The following SNRK variants were observed in gnomAD, a reference collection of about 807,000 sequenced individuals.
The protein encoded by SNRK is SNF-related serine/threonine-protein kinase.
Under a neutral mutation model 48.2 loss-of-function variants are expected in SNRK, and 3 were observed. That is an observed-to-expected ratio of 0.06 (90% CI 0.03 to 0.16). SNRK has a LOEUF of 0.16. Among genes scored for constraint, SNRK ranks in the 10% least tolerant of loss-of-function variants. The pLI is 1.00. For missense variants in SNRK, 627 were observed against 976.0 expected (o/e 0.64, Z 4.76); for synonymous variants, 376 against 366.1 (o/e 1.03, Z -0.31).
rs371078181 is a variant in SNRK at position 43,296,415 on chromosome 3, C to CATATATATATATATATATATATATAT, written c.-168-3321_-168-3320insATATATATATATATATATATATATAT. 1.7e-3 allele frequency among the ~76,000 whole-genome samples: 222 copies of CATATATATATATATATATATATATAT among 127,132 alleles called. 2 individuals are homozygous for CATATATATATATATATATATATATAT. The highest frequency in any genetic ancestry group is 6.4e-3 in the South Asian group (25 of 3,918). The allele number at this position is 127,132 out of a possible 152,430, so 83.4% of individuals were successfully genotyped here. On this transcript the variant is annotated intron_variant, in intron 1 of 6. Transcript: ENST00000296088. ...TGTTTGTATTAGATGGATATACTGG[C>CATATATATATATATATATATATATAT]ATATATATATATATATATGTATATA...
intron 1 of SNRK, among the ~76,000 whole-genome samples, chr3:43,296,899 A>G (rs2090860318): frequency 6.6e-6 from 1 of 152,180 alleles, no homozygotes; most frequent in African/African-American, 2.4e-5. Flanking sequence ...CACATGCTTC[A>G]GTTGCTTCTG....
intron 4 of SNRK, among the ~76,000 whole-genome samples, chr3:43,334,637 A>G (rs1417998603): frequency 1.3e-5 from 2 of 150,622 alleles, no homozygotes; most frequent in Non-Finnish European, 3.0e-5. Flanking sequence ...TGGTGTTCCC[A>G]GGCTGGAGTG....
chr3:43,310,628 C>T (rs2090972507), intron 3 of SNRK, among the ~76,000 whole-genome samples: 2 of 152,092 alleles, frequency 1.3e-5, no homozygotes, highest in South Asian at 4.1e-4. Flanking sequence ...AAAATGTCTT[C>T]ACATTTTAAT....
Position 43,303,804 on chromosome 3 carries a change from C to A in SNRK, c.589+12C>A, listed in dbSNP as rs547972540. ...TGCACCTGCAGTAGGTAGGTAACCT[C>A]GGTCCAGTATTTGGCCATTTGAATT... On this transcript the variant is annotated intron_variant, in intron 3 of 6. Coordinates refer to ENST00000296088, the MANE Select transcript of SNRK (RefSeq NM_017719.5). This position sits in a 1 kb window ranked among gnomAD's most constrained non-coding sequence, Gnocchi z 6.2. 1.9e-6 allele frequency: 3 copies of A among 1,576,074 alleles called. No individual in the cohort carries two copies. Among genetic ancestry groups the A allele is most frequent in the South Asian group, 2.2e-5 (2 of 89,248 alleles).
intron 5 of SNRK, 176 bp from the exon 6 acceptor site, chr3:43,343,168 C>A: frequency 4.2e-6 from 3 of 718,638 alleles, no homozygotes; most frequent in South Asian, 3.0e-5. Flanking sequence ...GTTTTTAGAA[C>A]TTTGAGTGAC....
rs899394718 is a variant in SNRK at position 43,350,998 on chromosome 3, A to C, written c.*2441A>C. On this transcript the variant is annotated 3_prime_UTR_variant, in exon 7 of 7. Transcript: ENST00000296088. ...TACCAAGTGAAAATTGATGTGTGTT[A>C]AGAGGGTACAGAATTATCAACTGAT... 7 of 152,650 alleles carry C rather than the reference A, an allele frequency of 4.6e-5. No individual in the cohort carries two copies. The highest frequency in any genetic ancestry group is 1.4e-4 in the African/African-American group (6 of 41,450). 9.5% of individuals were successfully genotyped at this position (152,650 alleles called of 1,614,324 possible).
At chr3:43,325,326 C>T (rs992958035) in intron 3 of SNRK, among the ~76,000 whole-genome samples, 12 of 152,236 alleles carry the variant, frequency 7.9e-5, no homozygotes, top group East Asian at 3.9e-4. Context: ...CCACCGCGCC[C>T]GGCTAATTTT....
chr3:43,322,621 A>C (rs971895673), intron 3 of SNRK, among the ~76,000 whole-genome samples: 1 of 152,218 alleles, frequency 6.6e-6, no homozygotes, highest in African/African-American at 2.4e-5. Flanking sequence ...AAATAATTAG[A>C]GTATTCAGGA....
At position 43,293,555 on chromosome 3, in the gene SNRK, T is replaced by G. The variant is rs191477451; in HGVS notation, c.-168-6199T>G. 5.6e-3 allele frequency among the ~76,000 whole-genome samples: 857 copies of G among 152,248 alleles called. 9 individuals are homozygous for G. The highest frequency in any genetic ancestry group is 0.019 in the African/African-American group (796 of 41,544). On this transcript the variant is annotated intron_variant, in intron 1 of 6. Coordinates refer to ENST00000296088, the MANE Select transcript of SNRK (RefSeq NM_017719.5). ...TAAAGAGAAAAAATATCCTGTAATC[T>G]TACTAATTTAACATTTTAAGTTTTT...
intron 3 of SNRK, among the ~76,000 whole-genome samples, chr3:43,324,461 A>G (rs189081996): frequency 6.6e-4 from 100 of 151,154 alleles, no homozygotes; most frequent in African/African-American, 2.4e-3. Flanking sequence ...GTAAGCTGCG[A>G]TCGTGTCACT....
At chr3:43,310,334 A>G (rs559045712) in intron 3 of SNRK, among the ~76,000 whole-genome samples, 3 of 151,804 alleles carry the variant, frequency 2.0e-5, no homozygotes, top group African/African-American at 7.2e-5. Flanking sequence ...ACGACATGTA[A>G]TCTGTTTCTC....
At chr3:43,320,899 C>G (rs1167152035) in intron 3 of SNRK, among the ~76,000 whole-genome samples, 1 of 149,392 alleles carries the variant, frequency 6.7e-6, no homozygotes. Flanking sequence ...TCCTGTTACT[C>G]CCAAAACTTT....
intron 3 of SNRK, among the ~76,000 whole-genome samples, chr3:43,320,901 C>G (rs902365382): frequency 6.7e-6 from 1 of 148,970 alleles, no homozygotes; most frequent in African/African-American, 2.5e-5. Context: ...CTGTTACTCC[C>G]AAAACTTTAC....
chr3:43,333,065 T>G (rs1254729100), intron 4 of SNRK: 5 of 152,142 alleles, frequency 3.3e-5, no homozygotes, highest in Non-Finnish European at 1.5e-5. Context: ...GAAATCTGAT[T>G]GCCCAAGGAC....
At position 43,347,680 on chromosome 3, in the gene SNRK, C is replaced by T; in HGVS notation, c.1421C>T (p.Thr474Ile). ...QVVLRRKPSV[T>I]NRLTSRKSAP... is the part of the protein sequence containing the mutation. ...GTTTTGCGCCGGAAGCCATCTGTAA[C>T]CAACCGCCTGACATCCAGGAAGAGT... Residue 474 changes from threonine (T) to isoleucine (I), a missense_variant, in exon 7 of 7, where the codon ACC becomes ATC. Coordinates refer to ENST00000296088, the MANE Select transcript of SNRK (RefSeq NM_017719.5). This position sits in a 1 kb window ranked among gnomAD's most constrained non-coding sequence, Gnocchi z 5.4. 1.2e-6 allele frequency: 2 copies of T among 1,613,816 alleles called. No individual in the cohort carries two copies. Among genetic ancestry groups the T allele is most frequent in the Non-Finnish European group, 1.7e-6 (2 of 1,180,022 alleles).
intron 2 of SNRK, among the ~76,000 whole-genome samples, chr3:43,300,768 A>G (rs1390826328): frequency 6.6e-6 from 1 of 152,234 alleles, no homozygotes; most frequent in Non-Finnish European, 1.5e-5. Flanking sequence ...TAATATACAT[A>G]TGGAAGAAAT....
At chr3:43,305,577 G>T (rs1345295641) in intron 3 of SNRK, among the ~76,000 whole-genome samples, 4 of 151,244 alleles carry the variant, frequency 2.6e-5, no homozygotes, top group Non-Finnish European at 4.4e-5. Context: ...CTGCCTCCTG[G>T]GTTCACACCA....
At chr3:43,295,247 T>C (rs1426607357) in intron 1 of SNRK, among the ~76,000 whole-genome samples, 2 of 152,228 alleles carry the variant, frequency 1.3e-5, no homozygotes, top group African/African-American at 4.8e-5. Flanking sequence ...TTACTTGATA[T>C]ATGTTGGACT....
At chr3:43,335,767 T>C (rs981686912) in intron 4 of SNRK, among the ~76,000 whole-genome samples, 4 of 152,208 alleles carry the variant, frequency 2.6e-5, no homozygotes, top group African/African-American at 9.6e-5. Flanking sequence ...AGTTGAAAAG[T>C]GTCGTATCTT....
Sources: allele counts gnomAD v4.1 joint callset (sites outside exome capture counted in the v4.1 genomes callset), GRCh38; gene constraint gnomAD v4.1.1; non-coding constraint Gnocchi (gnomAD v3.1); transcripts MANE v1.5; gene names NCBI Gene and HGNC (gene_info 2026-07-23, HGNC 2026-07-21).